The following TXNDC16 variants were observed in gnomAD, a reference collection of about 807,000 sequenced individuals.
TXNDC16 encodes the protein thioredoxin domain containing 16, also known as thioredoxin domain-containing protein 16.
Under a neutral mutation model 85.6 loss-of-function variants are expected in TXNDC16, and 74 were observed. That is an observed-to-expected ratio of 0.86 (90% CI 0.72 to 1.05). TXNDC16 has a LOEUF of 1.05. Ranked by LOEUF, TXNDC16 falls within the 50% of genes least tolerant of loss-of-function variation. The pLI is 0.00. For synonymous variants in TXNDC16, 335 were observed against 326.5 expected, an observed-to-expected ratio of 1.03 and a Z score of -0.28; for missense variants, 959 against 947.0, an observed-to-expected ratio of 1.01 and a Z score of -0.17.
chr14:52,516,556 G>A (rs2037087095), intron 7 of TXNDC16, among the ~76,000 whole-genome samples: 1 of 152,098 alleles, frequency 6.6e-6, no homozygotes, highest in Non-Finnish European at 1.5e-5. Context: ...TTTCAAAATA[G>A]GACGTCTTAG....
chr14:52,506,553 T>C (rs2036810011), intron 9 of TXNDC16, among the ~76,000 whole-genome samples: 1 of 124,328 alleles, frequency 8.0e-6, no homozygotes, highest in Non-Finnish European at 1.7e-5. Flanking sequence ...TTTTTTTTTC[T>C]TTTTTCTTTT....
chr14:52,483,039 G>A (rs1006419024), intron 12 of TXNDC16, 74 bp from the exon 13 acceptor site: 2 of 1,249,946 alleles, frequency 1.6e-6, no homozygotes, highest in Non-Finnish European at 1.1e-6. Context: ...CTCATAGGAA[G>A]CATATAATAA....
chr14:52,533,291 G>A (rs1314974958), intron 6 of TXNDC16, among the ~76,000 whole-genome samples: 1 of 152,160 alleles, frequency 6.6e-6, no homozygotes, highest in Non-Finnish European at 1.5e-5. Flanking sequence ...GGAAAGAAGA[G>A]ATCAAGAATT....
chr14:52,514,876 A>G lies in TXNDC16; in HGVS notation c.605+4T>C. ...AATTGTTGACATATGCTTTTTATACATACCCAATACTTTCCAAAAGGGCAA... is the reference window on the plus strand; with the variant it reads ...AATTGTTGACATATGCTTTTTATACGTACCCAATACTTTCCAAAAGGGCAA... On this transcript the variant is annotated splice_donor_region_variant and intron_variant, in intron 8 of 20. Coordinates refer to ENST00000281741, the MANE Select transcript of TXNDC16 (RefSeq NM_020784.3). The G allele has an allele frequency of 1.3e-6, 2 of 1,594,820 alleles. No homozygotes were observed. The highest frequency in any genetic ancestry group is 1.7e-6 in the Non-Finnish European group (2 of 1,171,438).
At position 52,439,472 on chromosome 14, in the gene TXNDC16, AAACTTTT is replaced by A. The variant is rs1329998277; in HGVS notation, c.2004-85_2004-79del. 2.0e-5 allele frequency: 27 copies of A among 1,334,086 alleles called. No individual in the cohort carries two copies. In the East Asian group the frequency reaches 6.8e-4, roughly 34 times the overall value. The allele number at this position is 1,334,086 out of a possible 1,614,324, so 82.6% of individuals were successfully genotyped here. On this transcript the variant is annotated intron_variant, in intron 19 of 20. Transcript: ENST00000281741. ...TGAAAATAGTAATTCGTAGAACATT[AAACTTTT>A]AAGTAGTATCATGCCAGTAAGTTCA... is the stretch of plus-strand genomic sequence containing the variant.
At chr14:52,472,802 G>A (rs974810877) in intron 14 of TXNDC16, among the ~76,000 whole-genome samples, 2 of 152,028 alleles carry the variant, frequency 1.3e-5, no homozygotes, top group Non-Finnish European at 2.9e-5. Context: ...GGGAGTCCTC[G>A]GTAAGGTTTT....
At chr14:52,451,739 T>C (rs1474543394) in intron 18 of TXNDC16, among the ~76,000 whole-genome samples, 1 of 152,074 alleles carries the variant, frequency 6.6e-6, no homozygotes, top group Non-Finnish European at 1.5e-5. Context: ...GCTAGTGTCA[T>C]TCTGAATGGG....
rs375859422 is a variant in TXNDC16 at position 52,488,351 on chromosome 14, A to G, written c.1108+12T>C. The G allele has an allele frequency of 1.2e-5, 20 of 1,612,554 alleles. No individual in the cohort carries two copies. The highest frequency in any genetic ancestry group is 2.7e-5 in the African/African-American group (2 of 74,952). On this transcript the variant is annotated intron_variant, in intron 12 of 20. Transcript: ENST00000281741. ...GCAGGATGGGGAAGGGGTGAGAATC[A>G]TAACACATTACCTATATCTGGACCT...
At chr14:52,448,991 A>G (rs777542781) in intron 18 of TXNDC16, among the ~76,000 whole-genome samples, 3 of 152,108 alleles carry the variant, frequency 2.0e-5, no homozygotes, top group Non-Finnish European at 4.4e-5. Context: ...ATTAAATCAT[A>G]TCACCAGAGA....
At chr14:52,537,259 C>G (rs1291521300) in intron 5 of TXNDC16, among the ~76,000 whole-genome samples, 1 of 152,076 alleles carries the variant, frequency 6.6e-6, no homozygotes, top group African/African-American at 2.4e-5. Context: ...GCAGATCTCT[C>G]AAAAATAAAG....
At chr14:52,488,831 G>GA (rs199871075) in intron 11 of TXNDC16, among the ~76,000 whole-genome samples, 1,160 of 89,934 alleles carry the variant, frequency 0.013, 24 homozygotes, top group South Asian at 0.077. Flanking sequence ...GAGACTCTGG[G>GA]AAAAAAAAAA....
intron 9 of TXNDC16, among the ~76,000 whole-genome samples, chr14:52,509,447 G>A (rs533822761): frequency 6.6e-6 from 1 of 151,704 alleles, no homozygotes; most frequent in Non-Finnish European, 1.5e-5. Flanking sequence ...TATTCAGAGG[G>A]TATTCTCCCA....
chr14:52,535,370 T>G (rs780365819), intron 6 of TXNDC16, among the ~76,000 whole-genome samples: 1 of 152,142 alleles, frequency 6.6e-6, no homozygotes, highest in Non-Finnish European at 1.5e-5. Flanking sequence ...CCCATGGTTG[T>G]CAGGAATTTC....
At chr14:52,542,624 T>C (rs2037856231) in intron 3 of TXNDC16, among the ~76,000 whole-genome samples, 171 bp from the exon 4 acceptor site, 1 of 152,202 alleles carries the variant, frequency 6.6e-6, no homozygotes, top group South Asian at 2.1e-4. Context: ...CTCATTATTC[T>C]TATTTCTGTT....
At chr14:52,530,348 T>TAATAA (rs2037494549) in intron 6 of TXNDC16, among the ~76,000 whole-genome samples, 1 of 42,574 alleles carries the variant, frequency 2.3e-5, no homozygotes, top group East Asian at 1.3e-3. Flanking sequence ...TAATTATATA[T>TAATAA]TATAATATAA....
intron 11 of TXNDC16, 31 bp from the exon 12 acceptor site, chr14:52,488,517 T>C (rs371432245): frequency 6.5e-7 from 1 of 1,529,030 alleles, no homozygotes; most frequent in Non-Finnish European, 8.9e-7. Context: ...AAAAAATGAA[T>C]ATAGCAAAGT....
At chr14:52,438,722 A>G (rs1181604899) in intron 20 of TXNDC16, among the ~76,000 whole-genome samples, 1 of 152,212 alleles carries the variant, frequency 6.6e-6, no homozygotes, top group African/African-American at 2.4e-5. Context: ...ATTTTATATA[A>G]CAATAATGCA....
intron 16 of TXNDC16, among the ~76,000 whole-genome samples, chr14:52,458,434 G>A (rs987453427): frequency 3.3e-5 from 5 of 152,162 alleles, no homozygotes; most frequent in Admixed American, 2.0e-4. Context: ...GCATGTGCCT[G>A]TAGTCCCAGC....
chr14:52,523,373 C>T (rs1451622571), intron 6 of TXNDC16, among the ~76,000 whole-genome samples: 1 of 152,068 alleles, frequency 6.6e-6, no homozygotes, highest in African/African-American at 2.4e-5. Context: ...TCTACCTGAC[C>T]CTACTTTTAG....
Sources: gnomAD v4.1 joint callset for allele counts (sites outside exome capture counted in the v4.1 genomes callset) on GRCh38, gnomAD v4.1.1 for gene constraint, MANE v1.5 for transcripts, NCBI Gene and HGNC (gene_info 2026-07-23, HGNC 2026-07-21) for gene names.